The following TTLL7 variants were observed in gnomAD, a reference collection of about 807,000 sequenced individuals.
TTLL7 encodes the protein tubulin polyglutamylase TTLL7.
TTLL7 carries 53 observed loss-of-function variants against 120.2 expected under a neutral mutation model. The observed-to-expected ratio is 0.44, with a 90% CI of 0.35 to 0.55. TTLL7 has a LOEUF of 0.55. Among genes scored for constraint, TTLL7 ranks in the 20% least tolerant of loss-of-function variants. TTLL7 has a pLI of 0.00. For synonymous variants in TTLL7, 353 were observed against 351.7 expected (o/e 1.00, Z -0.04); for missense variants, 803 against 1,054.7 (o/e 0.76, Z 3.31).
intron 20 of TTLL7, 169 bp downstream of exon 20, chr1:83,882,794 G>A: frequency 1.6e-6 from 1 of 643,498 alleles, no homozygotes; most frequent in Non-Finnish European, 2.5e-6. Context: ...GTCCCTTAAA[G>A]GTAAATACTG....
chr1:83,933,117 T>C (rs1571229638), intron 9 of TTLL7, among the ~76,000 whole-genome samples: 1 of 152,038 alleles, frequency 6.6e-6, no homozygotes, highest in South Asian at 2.1e-4. Flanking sequence ...AAGCCCCAGG[T>C]ATATAACATG....
At chr1:83,911,444 C>T in intron 14 of TTLL7, 81 bp from the exon 15 acceptor site, 2 of 1,131,162 alleles carry the variant, frequency 1.8e-6, no homozygotes, top group African/African-American at 1.6e-5. Flanking sequence ...TTTTTAATTT[C>T]CCCCTATGCT....
At chr1:83,911,511 T>A in intron 14 of TTLL7, 148 bp from the exon 15 acceptor site, 1 of 660,428 alleles carries the variant, frequency 1.5e-6, no homozygotes, top group Non-Finnish European at 2.6e-6. Flanking sequence ...GCCATGCTGC[T>A]TAGCCTACAG....
At chr1:83,949,815 A>G in intron 4 of TTLL7, 50 bp downstream of exon 4, 1 of 1,596,672 alleles carries the variant, frequency 6.3e-7, no homozygotes, top group Non-Finnish European at 8.5e-7. Context: ...GTTATGTGGA[A>G]TCCATATAAC....
intron 10 of TTLL7, among the ~76,000 whole-genome samples, chr1:83,924,915 G>A (rs1658984137): frequency 6.6e-6 from 1 of 152,140 alleles, no homozygotes; most frequent in Non-Finnish European, 1.5e-5. Context: ...GGAAAGAGAT[G>A]TAAGGGCCAG....
At chr1:83,911,038 G>T in intron 15 of TTLL7, 127 bp downstream of exon 15, 1 of 723,386 alleles carries the variant, frequency 1.4e-6, no homozygotes, top group Non-Finnish European at 2.3e-6. Flanking sequence ...AGGGAAGGAA[G>T]TGGGATGGAA....
At chr1:83,969,676 A>G (rs550636359) in intron 1 of TTLL7, among the ~76,000 whole-genome samples, 2 of 152,128 alleles carry the variant, frequency 1.3e-5, no homozygotes, top group African/African-American at 4.8e-5. Flanking sequence ...GTTGAAGCAC[A>G]TTTGTGAAGA....
intron 1 of TTLL7, among the ~76,000 whole-genome samples, chr1:83,955,983 G>C (rs563324153): frequency 6.6e-6 from 1 of 152,148 alleles, no homozygotes; most frequent in Non-Finnish European, 1.5e-5. Flanking sequence ...CCTGGCAGCA[G>C]AGCGTGTCTT....
chr1:83,947,321 A>C, intron 5 of TTLL7, 39 bp from the exon 6 acceptor site: 1 of 1,539,386 alleles, frequency 6.5e-7, no homozygotes, highest in Non-Finnish European at 8.8e-7. Context: ...ATTTCTATTC[A>C]AACTAGCATA....
At chr1:83,961,104 TC>T (rs1342555070) in intron 1 of TTLL7, among the ~76,000 whole-genome samples, 1 of 152,094 alleles carries the variant, frequency 6.6e-6, no homozygotes, top group Non-Finnish European at 1.5e-5. Context: ...CAACAGTAAC[TC>T]CCACTAATGC....
intron 14 of TTLL7, chr1:83,912,641 T>A (rs942326575): frequency 6.6e-6 from 1 of 152,146 alleles, no homozygotes; most frequent in African/African-American, 2.4e-5. Context: ...AAATAGCATT[T>A]CATGAAGTGC....
rs1011204065 is a variant in TTLL7 at position 83,867,421 on chromosome 1, T to G, written c.*2541A>C. 2.0e-5 allele frequency: 3 copies of G among 151,956 alleles called. No individual in the cohort carries two copies. Among genetic ancestry groups the G allele is most frequent in the African/African-American group, 7.2e-5 (3 of 41,428 alleles). The allele number at this position is 151,956 out of a possible 1,614,324, so 9.4% of individuals were successfully genotyped here. A position where few individuals can be genotyped will look rare whatever the true frequency, so the allele number is the denominator to read the frequency against. ...AATAGGCAAATGAAGGCAATAAAAT[T>G]GTAACGCTCAAAATAAGGCCAGACA... On this transcript the variant is annotated 3_prime_UTR_variant, in exon 21 of 21. Transcript: ENST00000260505.
intron 1 of TTLL7, among the ~76,000 whole-genome samples, chr1:83,991,260 G>GA (rs2100645679): frequency 6.6e-6 from 1 of 152,266 alleles, no homozygotes; most frequent in African/African-American, 2.4e-5. Context: ...TTTACCAGAT[G>GA]AAAATGTTCT....
At chr1:83,983,189 G>A (rs1198348785) in intron 1 of TTLL7, among the ~76,000 whole-genome samples, 1 of 152,006 alleles carries the variant, frequency 6.6e-6, no homozygotes, top group Non-Finnish European at 1.5e-5. Flanking sequence ...AAACGTAACT[G>A]GGCATGGTGG....
Position 83,911,309 on chromosome 1 carries a change from T to G in TTLL7, c.1642A>C (p.Ser548Arg). ...CTACTATCATAACTGCTGTCACTGC[T>G]GCAGTACTTTGGTCTTTTCATTATC... is the stretch of plus-strand genomic sequence containing the variant. ...TEIMKRPKYC[S>R]SDSSYDSSSS... The change falls in exon 15 of 21, where the codon AGC (serine) becomes CGC (arginine). Residue 548 changes from serine to arginine, a missense_variant. By Grantham distance (110) the Ser-to-Arg change is moderately radical (BLOSUM62 -1). This residue lies in a region of TTLL7 where 388 missense variants were observed against 450.4 expected (regional missense o/e 0.86). Transcript: ENST00000260505. The G allele has an allele frequency of 6.2e-7, 1 of 1,613,734 alleles. No individual in the cohort carries two copies. Among genetic ancestry groups the G allele is most frequent in the African/African-American group, 1.3e-5 (1 of 75,038 alleles).
At chr1:83,916,915 C>T (rs1253060264) in intron 14 of TTLL7, among the ~76,000 whole-genome samples, 3 of 151,970 alleles carry the variant, frequency 2.0e-5, no homozygotes, top group African/African-American at 7.2e-5. Flanking sequence ...CACAGTGAGA[C>T]ACCATCTCTT....
Position 83,869,822 on chromosome 1 carries a change from T to G in TTLL7, c.*140A>C, listed in dbSNP as rs777906663. ...AATAAATATATGTTATTAGGGTGCA[T>G]ATGTGCATATATTTTCACACATATA... On this transcript the variant is annotated 3_prime_UTR_variant, in exon 21 of 21. Coordinates refer to ENST00000260505, the MANE Select transcript of TTLL7 (RefSeq NM_024686.6). 8.5e-6 allele frequency: 6 copies of G among 705,644 alleles called. No homozygotes were observed. The highest frequency in any genetic ancestry group is 1.1e-5 in the Non-Finnish European group (5 of 458,700). 43.7% of individuals were successfully genotyped at this position (705,644 alleles called of 1,614,324 possible).
intron 7 of TTLL7, among the ~76,000 whole-genome samples, chr1:83,941,949 C>A (rs1478131050): frequency 6.6e-6 from 1 of 152,136 alleles, no homozygotes; most frequent in Non-Finnish European, 1.5e-5. Context: ...TCTTTTATTG[C>A]AACAGAAATT....
At chr1:83,885,576 C>T (rs994847201) in intron 19 of TTLL7, among the ~76,000 whole-genome samples, 8 of 151,822 alleles carry the variant, frequency 5.3e-5, no homozygotes, top group African/African-American at 1.9e-4. Context: ...GTATATTTAC[C>T]ACTACTAGCC....
Sources: allele counts gnomAD v4.1 joint callset (sites outside exome capture counted in the v4.1 genomes callset), GRCh38; gene constraint gnomAD v4.1.1; regional missense constraint gnomAD v4.1.1; transcripts MANE v1.5; gene names NCBI Gene and HGNC (gene_info 2026-07-23, HGNC 2026-07-21).